The following TRAPPC9 variants were observed in gnomAD, a reference collection of about 807,000 sequenced individuals.
TRAPPC9 encodes the protein IKK2 binding protein.
TRAPPC9 carries 83 observed loss-of-function variants against 124.0 expected under a neutral mutation model. The ratio of observed to expected loss-of-function variants is 0.67; its 90% CI spans 0.56 to 0.80. TRAPPC9 has a LOEUF of 0.80. Ranked by LOEUF, TRAPPC9 falls within the 30% of genes least tolerant of loss-of-function variation. TRAPPC9 has a pLI of 0.00. For synonymous variants in TRAPPC9, 638 were observed against 617.5 expected (o/e 1.03, Z -0.49); for missense variants, 1,302 against 1,508.3 (o/e 0.86, Z 2.27).
intron 9 of TRAPPC9, among the ~76,000 whole-genome samples, chr8:140,343,118 T>C (rs552221549): frequency 1.6e-4 from 24 of 152,300 alleles, no homozygotes; most frequent in African/African-American, 5.1e-4. Flanking sequence ...AAAGGACATA[T>C]ATTAAAATAT....
chr8:140,399,823 CA>C (rs1297696024), intron 6 of TRAPPC9, among the ~76,000 whole-genome samples: 2 of 152,202 alleles, frequency 1.3e-5, no homozygotes, highest in East Asian at 3.9e-4. Context: ...TTTGAGGGGC[CA>C]GGGGTGGAAT....
chr8:139,957,677 C>T (rs992385407), intron 19 of TRAPPC9, among the ~76,000 whole-genome samples: 7 of 152,140 alleles, frequency 4.6e-5, no homozygotes, highest in African/African-American at 1.4e-4. Context: ...CCAGAAGGCC[C>T]GGCACCAGGT....
chr8:140,393,700 A>G (rs1426539982), intron 7 of TRAPPC9, among the ~76,000 whole-genome samples: 2 of 152,202 alleles, frequency 1.3e-5, no homozygotes, highest in African/African-American at 2.4e-5. Context: ...CAAAATTTCC[A>G]TATTAGCCAA....
chr8:140,090,042 C>T (rs1282686831), intron 17 of TRAPPC9, among the ~76,000 whole-genome samples: 4 of 152,016 alleles, frequency 2.6e-5, no homozygotes, highest in African/African-American at 7.2e-5. Context: ...TTCACACCAC[C>T]GCACTCCAGC....
intron 10 of TRAPPC9, among the ~76,000 whole-genome samples, chr8:140,309,020 C>G (rs966327882): frequency 2.0e-5 from 3 of 152,172 alleles, no homozygotes; most frequent in Admixed American, 2.0e-4. Context: ...GAGAAAGAGA[C>G]ACACTGCCCA....
At chr8:139,980,448 G>A (rs575817443) in intron 19 of TRAPPC9, among the ~76,000 whole-genome samples, 4 of 152,274 alleles carry the variant, frequency 2.6e-5, no homozygotes, top group East Asian at 3.9e-4. Context: ...CAAAAGTCCC[G>A]GAATGCCTGC....
chr8:140,260,610 C>G (rs973722906), intron 15 of TRAPPC9, among the ~76,000 whole-genome samples: 2 of 152,192 alleles, frequency 1.3e-5, no homozygotes, highest in Non-Finnish European at 2.9e-5. Context: ...CATGGAAGGG[C>G]CACTCTGGAG....
intron 15 of TRAPPC9, among the ~76,000 whole-genome samples, chr8:140,271,357 A>G (rs2064873696): frequency 6.6e-6 from 1 of 152,260 alleles, no homozygotes; most frequent in Non-Finnish European, 1.5e-5. Context: ...AGAAAAAATG[A>G]TTAAATGAAC....
chr8:140,140,119 G>A (rs2061362038), intron 17 of TRAPPC9, among the ~76,000 whole-genome samples: 1 of 152,120 alleles, frequency 6.6e-6, no homozygotes, highest in African/African-American at 2.4e-5. Context: ...GTGAGCACAC[G>A]CAGGGGCAGG....
At chr8:139,957,852 GCCT>G (rs1835103180) in intron 19 of TRAPPC9, among the ~76,000 whole-genome samples, 1 of 152,206 alleles carries the variant, frequency 6.6e-6, no homozygotes. Flanking sequence ...AACCATCCCA[GCCT>G]CCTCTTCGTC....
At chr8:139,873,642 G>A (rs1483304613) in intron 21 of TRAPPC9, among the ~76,000 whole-genome samples, 1 of 152,212 alleles carries the variant, frequency 6.6e-6, no homozygotes, top group South Asian at 2.1e-4. Context: ...TAAATGGGAG[G>A]GGGTGTCATG....
At chr8:140,312,485 C>T (rs1035914762) in intron 9 of TRAPPC9, among the ~76,000 whole-genome samples, 1 of 151,986 alleles carries the variant, frequency 6.6e-6, no homozygotes, top group African/African-American at 2.4e-5. Flanking sequence ...AGGATAAATG[C>T]GATAATACAT....
At chr8:139,930,680 T>G (rs1337400676) in intron 19 of TRAPPC9, among the ~76,000 whole-genome samples, 1 of 152,186 alleles carries the variant, frequency 6.6e-6, no homozygotes, top group Non-Finnish European at 1.5e-5. Flanking sequence ...GGAACTTATT[T>G]TGCAATGAGA....
intron 5 of TRAPPC9, among the ~76,000 whole-genome samples, chr8:140,416,235 G>T (rs924461850): frequency 6.6e-6 from 1 of 152,106 alleles, no homozygotes; most frequent in African/African-American, 2.4e-5. Context: ...TAAATAAATT[G>T]TAAGACAATA....
At chr8:140,452,960 T>C (rs1315038942) in intron 1 of TRAPPC9, among the ~76,000 whole-genome samples, 1 of 152,228 alleles carries the variant, frequency 6.6e-6, no homozygotes, top group Non-Finnish European at 1.5e-5. Flanking sequence ...GTCAACATTC[T>C]GGTTGTGATA....
intron 17 of TRAPPC9, among the ~76,000 whole-genome samples, chr8:140,083,761 G>A (rs1488735729): frequency 6.6e-6 from 1 of 152,100 alleles, no homozygotes; most frequent in Admixed American, 6.5e-5. Flanking sequence ...TTGCCTCCTA[G>A]GTTCAAGTGA....
intron 6 of TRAPPC9, 134 bp from the exon 7 acceptor site, chr8:140,397,879 G>T: frequency 8.5e-7 from 1 of 1,182,088 alleles, no homozygotes; most frequent in Non-Finnish European, 1.2e-6. Context: ...TACCCCTCCT[G>T]ATATGGTTTG....
chr8:139,731,770 C>T (rs1817839290), intron 22 of TRAPPC9, among the ~76,000 whole-genome samples: 1 of 152,190 alleles, frequency 6.6e-6, no homozygotes, highest in African/African-American at 2.4e-5. Flanking sequence ...CTGAGGGCCT[C>T]ACTGTCCAGG....
chr8:139,872,229 T>G (rs1828960237), intron 21 of TRAPPC9, among the ~76,000 whole-genome samples: 1 of 130,600 alleles, frequency 7.7e-6, no homozygotes, highest in South Asian at 2.7e-4. Flanking sequence ...AGTGGGCCAG[T>G]GGATGGGTTG....
Sources: gnomAD v4.1 joint callset for allele counts (sites outside exome capture counted in the v4.1 genomes callset) on GRCh38, gnomAD v4.1.1 for gene constraint, MANE v1.5 for transcripts, NCBI Gene and HGNC (gene_info 2026-07-23, HGNC 2026-07-21) for gene names.